Variants in ALX4 observed in about 807,000 individuals in gnomAD.
ALX4 encodes the protein homeobox protein aristaless-like 4.
In ALX4, 22 loss-of-function variants were observed where a neutral mutation model predicts 40.6. That is an observed-to-expected ratio of 0.54 (90% CI 0.39 to 0.77). The LOEUF is 0.77. Among genes scored for constraint, ALX4 ranks in the 30% least tolerant of loss-of-function variants. The pLI is 0.00. For missense variants in ALX4, 556 were observed against 564.8 expected (o/e 0.98, Z 0.16); for synonymous variants, 266 against 240.5 (o/e 1.11, Z -0.98).
At chr11:44,279,063 C>A (rs1956294199) in intron 1 of ALX4, among the ~76,000 whole-genome samples, 2 of 152,206 alleles carry the variant, frequency 1.3e-5, no homozygotes, top group African/African-American at 4.8e-5. Context: ...GAGTCTGAGT[C>A]CTAAGACCCC....
chr11:44,268,971 C>A (rs757566694), intron 2 of ALX4, among the ~76,000 whole-genome samples: 1 of 152,236 alleles, frequency 6.6e-6, no homozygotes, highest in Non-Finnish European at 1.5e-5. Context: ...GCCCAGGCAT[C>A]AAGAAAGCCA....
rs35856858 is a variant in ALX4 at position 44,273,190 on chromosome 11, T to TAA, written c.777+2156_777+2157dup. Among the ~76,000 whole-genome samples, 3 of 137,620 alleles carry TAA rather than the reference T, an allele frequency of 2.2e-5. No individual in the cohort carries two copies. The South Asian group carries it at 7.3e-4, about 34-fold the overall frequency. The allele number at this position is 137,620 out of a possible 152,430, so 90.3% of individuals were successfully genotyped here. A position where few individuals can be genotyped will look rare whatever the true frequency, so the allele number is the denominator to read the frequency against. ...CTGAGCTGCATGGCGCTTTGCTGAT[T>TAA]AAAAAAAAAAAAAAAAAAAAGATTT... On this transcript the variant is annotated intron_variant, in intron 2 of 3. Coordinates refer to ENST00000652299, the MANE Select transcript of ALX4 (RefSeq NM_021926.4).
rs180883157 is a variant in ALX4 at position 44,280,464 on chromosome 11, G to C, written c.467-4806C>G. Among the ~76,000 whole-genome samples the C allele has an allele frequency of 2.6e-5, 4 of 152,326 alleles. No individual in the cohort carries two copies. In the East Asian group the frequency reaches 5.8e-4, roughly 22 times the overall value. ...AGGCTGAGCAGCAACAGCGCCCAGC[G>C]TGGGTCCAGGCCACCCGCCAGGGGT... On this transcript the variant is annotated intron_variant, in intron 1 of 3. Transcript: ENST00000652299.
chr11:44,275,324 C>T, intron 2 of ALX4, 24 bp downstream of exon 2: 1 of 1,613,856 alleles, frequency 6.2e-7, no homozygotes, highest in Non-Finnish European at 8.5e-7. Flanking sequence ...TTACCAGCCT[C>T]ACTCCCAGGT....
At chr11:44,274,084 G>A (rs749167645) in intron 2 of ALX4, among the ~76,000 whole-genome samples, 1 of 152,220 alleles carries the variant, frequency 6.6e-6, no homozygotes, top group Non-Finnish European at 1.5e-5. Flanking sequence ...AGGCTGCAGT[G>A]AGCTATAATC....
At chr11:44,267,273 C>T (rs1956218599) in intron 3 of ALX4, among the ~76,000 whole-genome samples, 1 of 152,214 alleles carries the variant, frequency 6.6e-6, no homozygotes, top group African/African-American at 2.4e-5. Context: ...CCCCAACCTT[C>T]CCTTCCCTAA....
intron 1 of ALX4, among the ~76,000 whole-genome samples, chr11:44,281,758 G>A (rs1193598854): frequency 6.6e-6 from 1 of 152,104 alleles, no homozygotes; most frequent in African/African-American, 2.4e-5. Flanking sequence ...TCTGTCCAGA[G>A]CTCAACTTGA....
chr11:44,305,889 C>T (rs896785755), intron 1 of ALX4, among the ~76,000 whole-genome samples: 1 of 152,230 alleles, frequency 6.6e-6, no homozygotes, highest in African/African-American at 2.4e-5. Flanking sequence ...CCGCAGCGGC[C>T]CCGCGTCTCG....
intron 2 of ALX4, among the ~76,000 whole-genome samples, chr11:44,274,797 T>A (rs1190996917): frequency 1.3e-5 from 2 of 152,174 alleles, no homozygotes; most frequent in Admixed American, 1.3e-4. Flanking sequence ...TGGCTGGTAA[T>A]AGGGGGGCTA....
intron 2 of ALX4, among the ~76,000 whole-genome samples, chr11:44,272,513 A>G (rs1200151176): frequency 7.0e-6 from 1 of 143,210 alleles, no homozygotes; most frequent in Non-Finnish European, 1.5e-5. Context: ...AAAAAAAAAA[A>G]AGGCAGTCTG....
rs374153716 is a variant in ALX4 at position 44,280,457 on chromosome 11, G to A, written c.467-4799C>T. On this transcript the variant is annotated intron_variant, in intron 1 of 3. Coordinates refer to ENST00000652299, the MANE Select transcript of ALX4 (RefSeq NM_021926.4). ...TGGCATAAGGCTGAGCAGCAACAGC[G>A]CCCAGCGTGGGTCCAGGCCACCCGC... 1.7e-3 allele frequency among the ~76,000 whole-genome samples: 266 copies of A among 152,312 alleles called. 6 individuals are homozygous for A. The highest frequency in any genetic ancestry group is 1.7e-3 in the Non-Finnish European group (118 of 68,018).
intron 2 of ALX4, among the ~76,000 whole-genome samples, chr11:44,272,363 G>T (rs1956253081): frequency 6.6e-6 from 1 of 152,068 alleles, no homozygotes; most frequent in Non-Finnish European, 1.5e-5. Context: ...AATTAGCCGG[G>T]TGTGGTGGTG....
At chr11:44,298,549 T>C (rs750212055) in intron 1 of ALX4, among the ~76,000 whole-genome samples, 6 of 152,020 alleles carry the variant, frequency 3.9e-5, no homozygotes, top group Non-Finnish European at 8.8e-5. Context: ...CGGAACTCAC[T>C]GTAGGGAATG....
Position 44,309,891 on chromosome 11 carries a change from C to T in ALX4, c.172G>A (p.Gly58Arg), listed in dbSNP as rs748695888. 8.2e-6 allele frequency: 13 copies of T among 1,581,500 alleles called. No homozygotes were observed. Among genetic ancestry groups the T allele is most frequent in the Admixed American group, 5.3e-5 (3 of 56,290 alleles). ...TAACGGGCCCGGCTCTTGGCGTCCC[C>T]GAATCCCTGTGCTTTGGCGGCGGCC... ...LSAAAKAQGFGDAKSRARYGA... is the reference protein window; with the variant it reads ...LSAAAKAQGFRDAKSRARYGA... The change falls in exon 1 of 4, where the codon GGG becomes AGG. Residue 58 changes from glycine to arginine, a missense_variant. Coordinates refer to ENST00000652299, the MANE Select transcript of ALX4 (RefSeq NM_021926.4).
intron 1 of ALX4, among the ~76,000 whole-genome samples, chr11:44,282,634 G>A (rs890557347): frequency 5.3e-5 from 8 of 152,210 alleles, no homozygotes; most frequent in Non-Finnish European, 2.9e-5. Flanking sequence ...GCCATGGATC[G>A]ACTCCACAGT....
chr11:44,292,568 T>A (rs973906670), intron 1 of ALX4, among the ~76,000 whole-genome samples: 1 of 151,976 alleles, frequency 6.6e-6, no homozygotes, highest in Non-Finnish European at 1.5e-5. Context: ...TTGATAAGAA[T>A]GGGAAAGATT....
intron 1 of ALX4, among the ~76,000 whole-genome samples, chr11:44,302,275 C>A (rs1050666313): frequency 3.3e-5 from 5 of 152,152 alleles, no homozygotes. Context: ...TACACACAAA[C>A]CCTCGGCCTC....
intron 1 of ALX4, among the ~76,000 whole-genome samples, chr11:44,297,862 T>A (rs886765092): frequency 1.3e-5 from 2 of 152,214 alleles, no homozygotes; most frequent in African/African-American, 4.8e-5. Context: ...AGACTTAGTT[T>A]GTGCTGTTTC....
At position 44,294,973 on chromosome 11, in the gene ALX4, C is replaced by T. The variant is rs1475867574; in HGVS notation, c.466+14624G>A. Among the ~76,000 whole-genome samples, 3 of 152,178 alleles carry T rather than the reference C, an allele frequency of 2.0e-5. No individual in the cohort carries two copies. In the East Asian group the frequency reaches 5.8e-4, roughly 30 times the overall value. On this transcript the variant is annotated intron_variant, in intron 1 of 3. Coordinates refer to ENST00000652299, the MANE Select transcript of ALX4 (RefSeq NM_021926.4). ...CAAGTGATTCTCCTGCCTCAGCCTC[C>T]CTAGTAGCTGGGATTACAGGCGCCC...
Sources: allele counts gnomAD v4.1 joint callset (sites outside exome capture counted in the v4.1 genomes callset), GRCh38; gene constraint gnomAD v4.1.1; transcripts MANE v1.5; gene names NCBI Gene and HGNC (gene_info 2026-07-23, HGNC 2026-07-21).